RFTN2: variants seen among roughly 807,000 people sequenced by gnomAD.
RFTN2 encodes raftlin-2.
Under a neutral mutation model 52.7 loss-of-function variants are expected in RFTN2, and 34 were observed. The ratio of observed to expected loss-of-function variants is 0.64; its 90% confidence interval spans 0.49 to 0.86. The LOEUF is 0.86. Among genes scored for constraint, RFTN2 ranks in the 40% least tolerant of loss-of-function variants. RFTN2 has a pLI of 0.00. For missense variants in RFTN2, 536 were observed against 600.1 expected, an observed-to-expected ratio of 0.89 and a Z score of 1.12; for synonymous variants, 203 against 217.7, an observed-to-expected ratio of 0.93 and a Z score of 0.59.
At chr2:197,667,896 G>T (rs2089083764) in intron 1 of RFTN2, among the ~76,000 whole-genome samples, 1 of 152,182 alleles carries the variant, frequency 6.6e-6, no homozygotes, top group Non-Finnish European at 1.5e-5. Context: ...AGCAGGTCCA[G>T]GTGGGCCAAT....
chr2:197,655,219 G>T (rs1362972930), intron 1 of RFTN2, among the ~76,000 whole-genome samples: 2 of 152,174 alleles, frequency 1.3e-5, no homozygotes, highest in Admixed American at 1.3e-4. Flanking sequence ...GAATAAAATT[G>T]ATGCTTAAAG....
At chr2:197,615,736 A>G in intron 7 of RFTN2, 140 bp downstream of exon 7, 3 of 587,322 alleles carry the variant, frequency 5.1e-6, no homozygotes, top group Non-Finnish European at 9.2e-6. Context: ...ACTAACCTCT[A>G]AGGTCCATAA....
chr2:197,640,808 G>T (rs890359702), intron 3 of RFTN2, among the ~76,000 whole-genome samples: 1 of 152,200 alleles, frequency 6.6e-6, no homozygotes, highest in Non-Finnish European at 1.5e-5. Flanking sequence ...TGACATATCG[G>T]TAAGAGTTAG....
At chr2:197,606,791 C>T (rs1468505545) in intron 7 of RFTN2, among the ~76,000 whole-genome samples, 1 of 151,012 alleles carries the variant, frequency 6.6e-6, no homozygotes, top group Non-Finnish European at 1.5e-5. Flanking sequence ...TACCATCTCA[C>T]ACCAGTTAGA....
intron 3 of RFTN2, among the ~76,000 whole-genome samples, chr2:197,637,005 T>G (rs1334744093): frequency 1.3e-5 from 2 of 152,082 alleles, no homozygotes; most frequent in Non-Finnish European, 2.9e-5. Flanking sequence ...AATCATGTGG[T>G]TTTTGTCTTT....
chr2:197,651,957 A>G (rs2088832718), intron 1 of RFTN2, among the ~76,000 whole-genome samples: 1 of 152,242 alleles, frequency 6.6e-6, no homozygotes, highest in African/African-American at 2.4e-5. Context: ...GACTAAAGTG[A>G]AACACAAAAG....
At chr2:197,629,218 G>A (rs1456838595) in intron 5 of RFTN2, among the ~76,000 whole-genome samples, 2 of 152,172 alleles carry the variant, frequency 1.3e-5, no homozygotes, top group Admixed American at 1.3e-4. Flanking sequence ...ATGATAGACT[G>A]GATTAAGAAA....
At position 197,675,317 on chromosome 2, in the gene RFTN2, T is replaced by C; in HGVS notation, c.139+3A>G. ...TAACAAACAAAATAGAAGCAAAAAG[T>C]ACCTTGTAGAGTAAAATCCAGCAAT... On this transcript the variant is annotated splice_donor_region_variant and intron_variant, in intron 1 of 8. Coordinates refer to ENST00000295049, the MANE Select transcript of RFTN2 (RefSeq NM_144629.3). The C allele has an allele frequency of 6.3e-7, 1 of 1,584,110 alleles. No homozygotes were observed. The highest frequency in any genetic ancestry group is 8.6e-7 in the Non-Finnish European group (1 of 1,167,172).
chr2:197,621,821 A>G (rs2088271362), intron 5 of RFTN2, among the ~76,000 whole-genome samples: 1 of 152,200 alleles, frequency 6.6e-6, no homozygotes, highest in South Asian at 2.1e-4. Context: ...TTTTAAATCG[A>G]AAGCTGGGAA....
At chr2:197,589,014 G>A (rs1166294165) in intron 8 of RFTN2, among the ~76,000 whole-genome samples, 2 of 151,926 alleles carry the variant, frequency 1.3e-5, no homozygotes, top group Non-Finnish European at 2.9e-5. Context: ...ACGAGGTCAG[G>A]AGTTTGAACC....
At chr2:197,597,209 T>C (rs142603779) in intron 7 of RFTN2, among the ~76,000 whole-genome samples, 1 of 152,350 alleles carries the variant, frequency 6.6e-6, no homozygotes, top group African/African-American at 2.4e-5. Context: ...GGAGACTGCT[T>C]CTTTTTTATT....
At chr2:197,668,107 C>T (rs1179038725) in intron 1 of RFTN2, among the ~76,000 whole-genome samples, 1 of 152,082 alleles carries the variant, frequency 6.6e-6, no homozygotes, top group Non-Finnish European at 1.5e-5. Context: ...TCTAGGCCTG[C>T]AGGTGGGTGC....
Position 197,570,079 on chromosome 2 carries a change from C to A in RFTN2, c.*1929G>T, listed in dbSNP as rs2087293065. 1 of 151,996 alleles carries A rather than the reference C, an allele frequency of 6.6e-6. No individual in the cohort carries two copies. Among genetic ancestry groups the A allele is most frequent in the Admixed American group, 6.6e-5 (1 of 15,246 alleles). The allele number at this position is 151,996 out of a possible 1,614,324, so 9.4% of individuals were successfully genotyped here. A position where few individuals can be genotyped will look rare whatever the true frequency, so the allele number is the denominator to read the frequency against. On this transcript the variant is annotated 3_prime_UTR_variant, in exon 9 of 9. Transcript: ENST00000295049. ...AAAGAAGTCTCTACCTCTTGTAGAC[C>A]CTGGAATTGGGAAAAACAGATCTTT... is the stretch of plus-strand genomic sequence containing the variant.
chr2:197,615,998 G>C lies in RFTN2; in HGVS notation c.1051-19C>G. On this transcript the variant is annotated intron_variant, in intron 6 of 8. Coordinates refer to ENST00000295049, the MANE Select transcript of RFTN2 (RefSeq NM_144629.3). The stretch of plus-strand genomic sequence containing the variant: ...CACATCCCTGCATGAATAAGTATAA[G>C]AGCTCATAGTCTAATGGCAAAGACA... 1.4e-6 allele frequency: 2 copies of C among 1,440,138 alleles called. No homozygotes were observed. The allele number at this position is 1,440,138 out of a possible 1,614,324, so 89.2% of individuals were successfully genotyped here. A position where few individuals can be genotyped will look rare whatever the true frequency, so the allele number is the denominator to read the frequency against.
rs559853032 is a variant in RFTN2 at position 197,647,937 on chromosome 2, T to G, written c.140-1271A>C. Among the ~76,000 whole-genome samples the G allele has an allele frequency of 2.2e-4, 34 of 152,344 alleles. No homozygotes were observed. In the South Asian group the frequency reaches 6.6e-3, roughly 30 times the overall value. On this transcript the variant is annotated intron_variant, in intron 1 of 8. Coordinates refer to ENST00000295049, the MANE Select transcript of RFTN2 (RefSeq NM_144629.3). ...CAGCAGTATTAATTTAAATAACAAC[T>G]TTATTTGCTACAACAATATTTCTCA... is the stretch of plus-strand genomic sequence containing the variant.
Position 197,568,935 on chromosome 2 carries a change from A to G in RFTN2, c.*3073T>C, listed in dbSNP as rs2087274432. On this transcript the variant is annotated 3_prime_UTR_variant, in exon 9 of 9. Transcript: ENST00000295049. ...ATGATTTGGAGATAGTTGTGATTTG[A>G]ATAGACTGTAGCTCTGTCTCCTGCT... is the stretch of plus-strand genomic sequence containing the variant. 1 of 152,204 alleles carries G rather than the reference A, an allele frequency of 6.6e-6. No individual in the cohort carries two copies. The highest frequency in any genetic ancestry group is 6.5e-5 in the Admixed American group (1 of 15,278). The allele number at this position is 152,204 out of a possible 1,614,324, so 9.4% of individuals were successfully genotyped here. A position where few individuals can be genotyped will look rare whatever the true frequency, so the allele number is the denominator to read the frequency against.
chr2:197,640,724 C>T (rs531070524), intron 3 of RFTN2, among the ~76,000 whole-genome samples: 5 of 152,082 alleles, frequency 3.3e-5, no homozygotes, highest in South Asian at 2.1e-4. Flanking sequence ...AGCTGTAGAC[C>T]GGAGCTGTTC....
intron 7 of RFTN2, among the ~76,000 whole-genome samples, chr2:197,600,119 A>C (rs537273026): frequency 4.5e-4 from 68 of 152,232 alleles, no homozygotes; most frequent in Non-Finnish European, 6.9e-4. Flanking sequence ...TCGGCCTCCC[A>C]AAGTGCCAGG....
chr2:197,673,177 T>C (rs2089170325), intron 1 of RFTN2, among the ~76,000 whole-genome samples: 1 of 152,140 alleles, frequency 6.6e-6, no homozygotes, highest in Admixed American at 6.5e-5. Context: ...AGGTTGCTCA[T>C]TCCATGGTGG....
Sources: gnomAD v4.1 joint callset for allele counts (sites outside exome capture counted in the v4.1 genomes callset) on GRCh38, gnomAD v4.1.1 for gene constraint, MANE v1.5 for transcripts, NCBI Gene and HGNC (gene_info 2026-07-23, HGNC 2026-07-21) for gene names.